SPTBN1: variants seen among roughly 807,000 people sequenced by gnomAD.
SPTBN1 encodes spectrin beta chain, non-erythrocytic 1.
A neutral mutation model predicts 266.4 loss-of-function variants in SPTBN1; 32 were observed. The observed-to-expected ratio is 0.12, with a 90% CI of 0.09 to 0.16. SPTBN1 has a LOEUF of 0.16. Among genes scored for constraint, SPTBN1 ranks in the 10% least tolerant of loss-of-function variants. SPTBN1 has a pLI of 1.00. For synonymous variants in SPTBN1, 1,336 were observed against 1,162.2 expected (o/e 1.15, Z -3.04); for missense variants, 2,296 against 3,067.1 (o/e 0.75, Z 5.94).
intron 8 of SPTBN1, 50 bp from the exon 9 acceptor site, chr2:54,622,250 A>C (rs1316649061): frequency 6.4e-7 from 1 of 1,573,974 alleles, no homozygotes; most frequent in South Asian, 1.1e-5. Flanking sequence ...AATCGTATTT[A>C]ACTTATGGAG....
At chr2:54,475,887 A>G (rs1056741214) in intron 1 of SPTBN1, among the ~76,000 whole-genome samples, 12 of 152,182 alleles carry the variant, frequency 7.9e-5, no homozygotes, top group Non-Finnish European at 1.5e-5. Context: ...ATTAGTCCAT[A>G]CCAGAGTGTT....
chr2:54,496,310 C>T (rs1172963569), intron 1 of SPTBN1, among the ~76,000 whole-genome samples: 2 of 151,744 alleles, frequency 1.3e-5, no homozygotes, highest in Non-Finnish European at 2.9e-5. Flanking sequence ...TGTTGGCGGG[C>T]GCCTGTAATC....
At chr2:54,650,496 TA>T (rs1274444543) in intron 26 of SPTBN1, among the ~76,000 whole-genome samples, 1 of 152,248 alleles carries the variant, frequency 6.6e-6, no homozygotes, top group African/African-American at 2.4e-5. Flanking sequence ...AATCACTCTC[TA>T]GTTTCCTTTC....
chr2:54,511,706 A>T (rs1405244136), intron 1 of SPTBN1, among the ~76,000 whole-genome samples: 2 of 152,040 alleles, frequency 1.3e-5, no homozygotes, highest in Non-Finnish European at 2.9e-5. Context: ...TCTACTAAAA[A>T]TACAAAAATT....
intron 18 of SPTBN1, among the ~76,000 whole-genome samples, chr2:54,639,660 C>T (rs756048340): frequency 5.9e-5 from 9 of 152,308 alleles, no homozygotes; most frequent in Non-Finnish European, 1.2e-4. Flanking sequence ...CGGTTCTTCC[C>T]GATAGAATCA....
At position 54,554,111 on chromosome 2, in the gene SPTBN1, C is replaced by G. The variant is rs1386313783; in HGVS notation, c.148+27545C>G. On this transcript the variant is annotated intron_variant, in intron 2 of 35. Transcript: ENST00000356805. The surrounding 1 kb of genome is among the most constrained non-coding windows in gnomAD (Gnocchi z 4.5). Reference sequence around the variant, plus strand: ...CTCAAAACTAAATGTTGTAGAGGTTCGTGTAGAGGCCTGCTTGGGTTTTAG... The same window carrying G: ...CTCAAAACTAAATGTTGTAGAGGTTGGTGTAGAGGCCTGCTTGGGTTTTAG... Among the ~76,000 whole-genome samples, 1 of 152,182 alleles carries G rather than the reference C, an allele frequency of 6.6e-6. No individual in the cohort carries two copies. The highest frequency in any genetic ancestry group is 2.4e-5 in the African/African-American group (1 of 41,434).
intron 30 of SPTBN1, 53 bp from the exon 31 acceptor site, chr2:54,659,101 T>A: frequency 6.2e-7 from 1 of 1,600,014 alleles, no homozygotes; most frequent in Non-Finnish European, 8.6e-7. Flanking sequence ...AACCTTTTTC[T>A]GAAAAGAGGC....
At chr2:54,650,081 C>G (rs1056168542) in intron 26 of SPTBN1, 92 bp downstream of exon 26, 3 of 1,469,822 alleles carry the variant, frequency 2.0e-6, no homozygotes, top group Non-Finnish European at 2.7e-6. Flanking sequence ...TTCCTTGGCT[C>G]TTCAAAAGAA....
chr2:54,655,272 A>G lies in SPTBN1; in HGVS notation c.5961+64A>G, dbSNP rs1680574973. The G allele has an allele frequency of 1.3e-5, 21 of 1,589,558 alleles. No homozygotes were observed. In the South Asian group the frequency reaches 2.2e-4, roughly 16 times the overall value. Reference sequence around the variant, plus strand: ...AAGATGTAAAATGACTTTGTTTTATATGTTTGTGTGTGTCAGAGATACTGT... The same window carrying G: ...AAGATGTAAAATGACTTTGTTTTATGTGTTTGTGTGTGTCAGAGATACTGT... On this transcript the variant is annotated intron_variant, in intron 28 of 35. Transcript: ENST00000356805.
At chr2:54,601,415 C>G (rs1261455526) in intron 3 of SPTBN1, among the ~76,000 whole-genome samples, 8 of 152,212 alleles carry the variant, frequency 5.3e-5, no homozygotes, top group Non-Finnish European at 1.0e-4. Flanking sequence ...ACACCACACA[C>G]TGCCTTTGGC....
chr2:54,582,679 G>C (rs1675019269), intron 2 of SPTBN1, among the ~76,000 whole-genome samples: 2 of 152,130 alleles, frequency 1.3e-5, no homozygotes, highest in South Asian at 4.1e-4. Context: ...GATACCTTAA[G>C]AGATTTAATT....
intron 1 of SPTBN1, among the ~76,000 whole-genome samples, chr2:54,484,122 G>A (rs796505524): frequency 1.3e-5 from 2 of 152,280 alleles, no homozygotes; most frequent in East Asian, 1.9e-4. Context: ...GGAGGCAGAG[G>A]TTGCAGTGAG....
rs1285628581 is a variant in SPTBN1 at position 54,670,766 on chromosome 2, C to T, written c.*2197C>T. On this transcript the variant is annotated 3_prime_UTR_variant, in exon 36 of 36. Coordinates refer to ENST00000356805, the MANE Select transcript of SPTBN1 (RefSeq NM_003128.3). ...AGTTCGCAGATCTGTAGTTATGAAG[C>T]CAGGGTTTGGTGGTATTTGCTCTCT... 2.5e-6 allele frequency: 1 copy of T among 398,396 alleles called. No individual in the cohort carries two copies. Among genetic ancestry groups the T allele is most frequent in the Non-Finnish European group, 4.4e-6 (1 of 226,044 alleles). The allele number at this position is 398,396 out of a possible 1,614,324, so 24.7% of individuals were successfully genotyped here.
intron 1 of SPTBN1, among the ~76,000 whole-genome samples, chr2:54,486,070 G>A (rs1668363064): frequency 6.6e-6 from 1 of 150,670 alleles, no homozygotes; most frequent in Non-Finnish European, 1.5e-5. Context: ...CCTCTGCCCG[G>A]CCAGCCACCC....
At chr2:54,456,970 C>T (rs908888119) in intron 1 of SPTBN1, among the ~76,000 whole-genome samples, 9 of 150,614 alleles carry the variant, frequency 6.0e-5, no homozygotes, top group Non-Finnish European at 8.9e-5. Flanking sequence ...TTTCAGGTGC[C>T]CTCTCTGTGG....
rs1195352897 is a variant in SPTBN1 at position 54,628,772 on chromosome 2, G to T, written c.1799-161G>T. Among the ~76,000 whole-genome samples the T allele has an allele frequency of 6.6e-6, 1 of 152,222 alleles. No individual in the cohort carries two copies. Among genetic ancestry groups the T allele is most frequent in the South Asian group, 2.1e-4 (1 of 4,834 alleles). On this transcript the variant is annotated intron_variant, in intron 13 of 35. Transcript: ENST00000356805. The surrounding 1 kb of genome is among the most constrained non-coding windows in gnomAD (Gnocchi z 4.3). ...CCCTCACTCCTGTTCTAGTCAAGTT[G>T]TTAGAAGGTGCTCCATTGCCTTATC...
At chr2:54,522,355 C>T (rs1293671163) in intron 1 of SPTBN1, among the ~76,000 whole-genome samples, 1 of 151,994 alleles carries the variant, frequency 6.6e-6, no homozygotes, top group Admixed American at 6.6e-5. Context: ...GTGGGCTGGG[C>T]AAGGTAGGCT....
intron 1 of SPTBN1, among the ~76,000 whole-genome samples, chr2:54,507,871 AATTG>A (rs750798554): frequency 9.2e-5 from 14 of 151,728 alleles, no homozygotes; most frequent in Non-Finnish European, 1.6e-4. Flanking sequence ...CAAAGCCAGC[AATTG>A]TTTGTTAAAG....
At chr2:54,618,256 A>G in intron 7 of SPTBN1, 63 bp downstream of exon 7, 1 of 1,380,898 alleles carries the variant, frequency 7.2e-7, no homozygotes, top group Non-Finnish European at 1.0e-6. Context: ...TGTTAATGTA[A>G]AATCTGTTTT....
Sources: gnomAD v4.1 joint callset for allele counts (sites outside exome capture counted in the v4.1 genomes callset) on GRCh38, gnomAD v4.1.1 for gene constraint, Gnocchi (gnomAD v3.1) non-coding constraint, MANE v1.5 for transcripts, NCBI Gene and HGNC (gene_info 2026-07-23, HGNC 2026-07-21) for gene names.